The following SIM1 variants were observed in gnomAD, a reference collection of about 807,000 sequenced individuals.
The protein encoded by SIM1 is SIM bHLH transcription factor 1.
SIM1 carries 18 observed loss-of-function variants against 78.2 expected under a neutral mutation model. The observed-to-expected ratio is 0.23, with a 90% CI of 0.16 to 0.34. The LOEUF is 0.34. Ranked by LOEUF, SIM1 falls within the 10% of genes least tolerant of loss-of-function variation. The pLI is 1.00. For missense variants in SIM1, 939 were observed against 975.1 expected, an observed-to-expected ratio of 0.96 and a Z score of 0.49; for synonymous variants, 417 against 385.2, an observed-to-expected ratio of 1.08 and a Z score of -0.97.
Position 100,420,091 on chromosome 6 carries a change from T to C in SIM1, c.1167+699A>G, listed in dbSNP as rs147082721. On this transcript the variant is annotated intron_variant, in intron 10 of 11. Transcript: ENST00000369208. ...GGGTAATTCTCAGTCCTGTCCTACTTCCTTCAGGCCAGGAGAGCTGTGTAC... is the reference window on the plus strand; with the variant it reads ...GGGTAATTCTCAGTCCTGTCCTACTCCCTTCAGGCCAGGAGAGCTGTGTAC... 4.8e-4 allele frequency among the ~76,000 whole-genome samples: 73 copies of C among 152,300 alleles called. 1 individual carries two copies. Among genetic ancestry groups the C allele is most frequent in the African/African-American group, 1.7e-3 (69 of 41,564 alleles).
chr6:100,400,823 A>G lies in SIM1; in HGVS notation c.1168-6934T>C, dbSNP rs574124174. ...GCCAACTGATGAATATGGAGGGAGT[A>G]GTTGAGTTAGAAAATATACATTTTG... On this transcript the variant is annotated intron_variant, in intron 10 of 11. Transcript: ENST00000369208. Among the ~76,000 whole-genome samples, 7 of 152,270 alleles carry G rather than the reference A, an allele frequency of 4.6e-5. No individual in the cohort carries two copies. The South Asian group carries it at 1.4e-3, about 32-fold the overall frequency.
Position 100,453,792 on chromosome 6 carries a change from A to C in SIM1, c.228T>G (p.Val76=). The change falls in exon 3 of 12, where the codon GTT becomes GTG. Residue 76 remains valine (V), a synonymous_variant. Transcript: ENST00000369208. ...HSSRTSPLDN[V]GRELGSHLLQ... The stretch of plus-strand genomic sequence containing the variant: ...GCAGATGGGAGCCCAGTTCTCGGCC[A>C]ACGTTGTCCAGGGGGCTGGTCCGAC... 1 of 1,612,094 alleles carries C rather than the reference A, an allele frequency of 6.2e-7. No homozygotes were observed. Among genetic ancestry groups the C allele is most frequent in the East Asian group, 2.2e-5 (1 of 44,600 alleles).
intron 3 of SIM1, among the ~76,000 whole-genome samples, chr6:100,452,647 C>T (rs1470812605): frequency 6.6e-6 from 1 of 152,090 alleles, no homozygotes; most frequent in African/African-American, 2.4e-5. Context: ...GTGTCAGGGA[C>T]AGTTTGGATT....
Position 100,393,577 on chromosome 6 carries a change from C to A in SIM1, c.1480G>T (p.Ala494Ser), listed in dbSNP as rs372633250. The change falls in exon 11 of 12, where the codon GCA becomes TCA. Residue 494 changes from alanine to serine, a missense_variant. Ala to Ser is a moderately conservative substitution (Grantham distance 99). Transcript: ENST00000369208. ...AGREPWWGSRAALPLTKASPE... is the reference protein window; with the variant it reads ...AGREPWWGSRSALPLTKASPE... ...GAGGCCTTTGTCAGGGGCAAGGCTG[C>A]GCGAGAGCCCCACCAGGGCTCCCTC... 1.9e-6 allele frequency: 3 copies of A among 1,613,278 alleles called. No homozygotes were observed. Among genetic ancestry groups the A allele is most frequent in the Non-Finnish European group, 2.5e-6 (3 of 1,179,428 alleles).
intron 9 of SIM1, among the ~76,000 whole-genome samples, chr6:100,428,716 CAT>C (rs1262477356): frequency 6.6e-6 from 1 of 151,664 alleles, no homozygotes; most frequent in Non-Finnish European, 1.5e-5. Flanking sequence ...TGCCTGAAAT[CAT>C]GGATAGTGCC....
intron 9 of SIM1, among the ~76,000 whole-genome samples, chr6:100,426,545 G>A (rs1168231333): frequency 6.6e-6 from 1 of 152,142 alleles, no homozygotes; most frequent in Non-Finnish European, 1.5e-5. Context: ...GGCATTGTCA[G>A]TTCTAGAGAA....
In SIM1 at chr6:100,389,568, T is replaced by C; in HGVS notation, c.*793A>G. On this transcript the variant is annotated 3_prime_UTR_variant, in exon 12 of 12. Transcript: ENST00000369208. The stretch of plus-strand genomic sequence containing the variant: ...TTTATTTCACTCTGCCTCTGGCCTT[T>C]CCATATTCATAGAACTACTTCCAAT... 2.5e-6 allele frequency: 1 copy of C among 398,872 alleles called. No individual in the cohort carries two copies. 24.7% of individuals were successfully genotyped at this position (398,872 alleles called of 1,614,324 possible). A position where few individuals can be genotyped will look rare whatever the true frequency, so the allele number is the denominator to read the frequency against.
rs1771971379 is a variant in SIM1, at chr6:100,433,845, C to G, written c.999-12887G>C. On this transcript the variant is annotated intron_variant, in intron 9 of 11. Coordinates refer to ENST00000369208, the MANE Select transcript of SIM1 (RefSeq NM_005068.3). ...AGGGTAGGGACTTTGTCTCTTTCAG[C>G]CACACTGTAGCCCTACCAGGGCCTG... is the stretch of plus-strand genomic sequence containing the variant. Among the ~76,000 whole-genome samples, 5 of 150,878 alleles carry G rather than the reference C, an allele frequency of 3.3e-5. No individual in the cohort carries two copies. The South Asian group carries it at 1.0e-3, about 31-fold the overall frequency.
intron 2 of SIM1, among the ~76,000 whole-genome samples, chr6:100,460,304 T>C (rs3798484): frequency 0.069 from 10,437 of 152,240 alleles, 1,193 homozygotes; most frequent in African/African-American, 0.23. Context: ...ATTTAAGGTG[T>C]ATTTAAGGAT....
chr6:100,463,447 C>G lies in SIM1; in HGVS notation c.22G>C (p.Ala8Pro). 1 of 1,607,980 alleles carries G rather than the reference C, an allele frequency of 6.2e-7. No homozygotes were observed. The highest frequency in any genetic ancestry group is 1.1e-5 in the South Asian group (1 of 90,848). The change falls in exon 2 of 12, where the codon GCT becomes CCT. Residue 8 changes from alanine (A) to proline (P), a missense_variant. This residue lies in a region of SIM1 where 121 missense variants were observed against 124.6 expected (regional missense o/e 0.97). Transcript: ENST00000369208. MKEKSKNAARTRREKENS... is the reference protein window; with the variant it reads MKEKSKNPARTRREKENS... ...TCCTTCTCCCTCCTAGTCCGCGCAGCATTTTTGGACTTTTCTTTCATTGTG... is the reference window on the plus strand; with the variant it reads ...TCCTTCTCCCTCCTAGTCCGCGCAGGATTTTTGGACTTTTCTTTCATTGTG...
intron 9 of SIM1, among the ~76,000 whole-genome samples, chr6:100,431,406 A>G (rs906967463): frequency 1.3e-5 from 2 of 152,204 alleles, no homozygotes; most frequent in African/African-American, 4.8e-5. Context: ...GGCTAAATAT[A>G]CATTAAACTC....
intron 9 of SIM1, among the ~76,000 whole-genome samples, chr6:100,438,965 G>T (rs1224919111): frequency 1.1e-4 from 17 of 152,154 alleles, no homozygotes; most frequent in Non-Finnish European, 2.2e-4. Context: ...CCAGGGGAAA[G>T]GTTGTGTGGG....
intron 4 of SIM1, 140 bp from the exon 5 acceptor site, chr6:100,449,839 C>G: frequency 1.5e-6 from 1 of 657,310 alleles, no homozygotes; most frequent in Non-Finnish European, 2.7e-6. Flanking sequence ...AATGCCAGCT[C>G]TGCTTCTTGC....
chr6:100,429,600 T>C (rs1019434400), intron 9 of SIM1, among the ~76,000 whole-genome samples: 54 of 152,190 alleles, frequency 3.5e-4, no homozygotes, highest in African/African-American at 1.2e-3. Context: ...TATATGCATA[T>C]TGAGAGATAA....
At chr6:100,464,531 TGGGAGG>T in intron 1 of SIM1, 77 bp downstream of exon 1, 1 of 151,500 alleles carries the variant, frequency 6.6e-6, no homozygotes, top group Non-Finnish European at 1.5e-5. Context: ...CCCCCGGGGG[TGGGAGG>T]CGCCGCGGCC....
chr6:100,427,648 T>C (rs1435554285), intron 9 of SIM1, among the ~76,000 whole-genome samples: 3 of 152,214 alleles, frequency 2.0e-5, no homozygotes, highest in Non-Finnish European at 4.4e-5. Flanking sequence ...GATTGTGTAA[T>C]ACCTTCACAC....
intron 10 of SIM1, among the ~76,000 whole-genome samples, chr6:100,401,763 ATT>A (rs1479726420): frequency 6.6e-6 from 1 of 152,182 alleles, no homozygotes; most frequent in Non-Finnish European, 1.5e-5. Flanking sequence ...CTTATGTCTT[ATT>A]TTTATAGAAT....
chr6:100,416,937 C>T (rs1295925071), intron 10 of SIM1, among the ~76,000 whole-genome samples: 1 of 151,152 alleles, frequency 6.6e-6, no homozygotes, highest in Non-Finnish European at 1.5e-5. Context: ...GCTTCAATCA[C>T]ATTAATCCTC....
intron 10 of SIM1, among the ~76,000 whole-genome samples, chr6:100,416,681 A>G (rs940723272): frequency 6.6e-6 from 1 of 152,222 alleles, no homozygotes; most frequent in African/African-American, 2.4e-5. Context: ...GCAGCTATTA[A>G]CACAGAAAGG....
Sources: gnomAD v4.1 joint callset for allele counts (sites outside exome capture counted in the v4.1 genomes callset) on GRCh38, gnomAD v4.1.1 for gene constraint, gnomAD v4.1.1 regional missense constraint, MANE v1.5 for transcripts, NCBI Gene and HGNC (gene_info 2026-07-23, HGNC 2026-07-21) for gene names.